DAB2: variants seen among roughly 807,000 people sequenced by gnomAD.
DAB2 encodes DAB adaptor protein 2.
In DAB2, 28 loss-of-function variants were observed where a neutral mutation model predicts 71.6. The observed-to-expected ratio is 0.39, with a 90% confidence interval of 0.29 to 0.54. The LOEUF (loss-of-function observed/expected upper bound fraction) is 0.54. Ranked by LOEUF, DAB2 falls within the 20% of genes least tolerant of loss-of-function variation. DAB2 has a pLI of 0.68. For synonymous variants in DAB2, 345 were observed against 339.7 expected, an observed-to-expected ratio of 1.02 and a Z score of -0.17; for missense variants, 867 against 928.8, an observed-to-expected ratio of 0.93 and a Z score of 0.86.
intron 1 of DAB2, among the ~76,000 whole-genome samples, chr5:39,424,293 T>A (rs1242963526): frequency 1.3e-5 from 2 of 152,080 alleles, no homozygotes; most frequent in Admixed American, 6.5e-5. Flanking sequence ...AATGCCGGTG[T>A]AAGACAAAAG....
rs1754713835 is a variant in DAB2 at position 39,372,134 on chromosome 5, A to T, written c.*1297T>A. The T allele has an allele frequency of 1.3e-5, 2 of 152,182 alleles. No homozygotes were observed. Among genetic ancestry groups the T allele is most frequent in the South Asian group, 4.1e-4 (2 of 4,824 alleles). 9.4% of individuals were successfully genotyped at this position (152,182 alleles called of 1,614,324 possible). On this transcript the variant is annotated 3_prime_UTR_variant, in exon 15 of 15. Transcript: ENST00000320816. ...AAAAACCCAACATAAACAAAACAAA[A>T]CAAAACTTATTTTGACAATAATAAA...
At position 39,376,973 on chromosome 5, in the gene DAB2, G is replaced by T. The variant is rs749545165; in HGVS notation, c.1814C>A (p.Ser605Tyr). The T allele has an allele frequency of 3.5e-5, 56 of 1,613,964 alleles. No individual in the cohort carries two copies. In the South Asian group the frequency reaches 5.8e-4, roughly 17 times the overall value. ...GGAGTGCATGGATGGGGGCTGAGTG[G>T]ACACAGCAGGAGCTGGAAAAATATT... ...QSNIFPAPAV[S>Y]TQPPSMHSSL... The change falls in exon 12 of 15, where the codon TCC becomes TAC. Residue 605 changes from serine (S) to tyrosine (Y), a missense_variant. This residue lies in a region of DAB2 where 740 missense variants were observed against 734.3 expected (regional missense o/e 1.01). Transcript: ENST00000320816.
At chr5:39,386,475 T>G (rs865808197) in intron 9 of DAB2, among the ~76,000 whole-genome samples, 1 of 152,176 alleles carries the variant, frequency 6.6e-6, no homozygotes. Flanking sequence ...GATAAGAACA[T>G]GTCAAAGCCT....
chr5:39,375,779 AG>A (rs1222760192), intron 13 of DAB2, among the ~76,000 whole-genome samples: 1 of 152,122 alleles, frequency 6.6e-6, no homozygotes, highest in African/African-American at 2.4e-5. Flanking sequence ...CCACCTACTC[AG>A]GAGGCTGAGG....
chr5:39,396,596 T>G (rs1245702750), intron 1 of DAB2, among the ~76,000 whole-genome samples: 1 of 152,230 alleles, frequency 6.6e-6, no homozygotes, highest in East Asian at 1.9e-4. Context: ...CTATCTTCTC[T>G]TTTAATGCAA....
intron 4 of DAB2, among the ~76,000 whole-genome samples, chr5:39,391,596 G>A (rs893428137): frequency 2.6e-5 from 4 of 151,986 alleles, no homozygotes; most frequent in East Asian, 1.9e-4. Flanking sequence ...ATCGTGATGC[G>A]AGAGAGTATT....
Position 39,376,674 on chromosome 5 carries a change from T to G in DAB2, c.2113A>C (p.Asn705His), listed in dbSNP as rs1249582635. ...CCATTGATCTTGTTCAATAGTTGAT[T>G]AGCATCAAAGTCATCATGGTCTGCA... is the stretch of plus-strand genomic sequence containing the variant. ...ENADHDDFDANQLLNKINEPP... is the reference protein window; with the variant it reads ...ENADHDDFDAHQLLNKINEPP... The change falls in exon 12 of 15, where the codon AAT (asparagine) becomes CAT (histidine). Residue 705 changes from asparagine to histidine, a missense_variant. Physicochemically the swap from Asn to His is moderately conservative, Grantham distance 68 (BLOSUM62 1). This residue lies in a region of DAB2 where 740 missense variants were observed against 734.3 expected (regional missense o/e 1.01). Transcript: ENST00000320816. The G allele has an allele frequency of 3.1e-6, 5 of 1,613,934 alleles. No homozygotes were observed. In the African/African-American group the frequency reaches 5.3e-5, roughly 17 times the overall value.
chr5:39,405,634 C>G (rs3843908), intron 1 of DAB2, among the ~76,000 whole-genome samples: 2 of 152,124 alleles, frequency 1.3e-5, no homozygotes, highest in Non-Finnish European at 2.9e-5. Flanking sequence ...TACAGTCTAG[C>G]GCATAGCATG....
intron 1 of DAB2, among the ~76,000 whole-genome samples, chr5:39,419,788 A>G (rs1189764168): frequency 1.3e-5 from 2 of 152,188 alleles, no homozygotes; most frequent in African/African-American, 4.8e-5. Flanking sequence ...GATAATATCA[A>G]ACCAAAAGTA....
chr5:39,400,823 A>G (rs1244404607), intron 1 of DAB2, among the ~76,000 whole-genome samples: 2 of 152,096 alleles, frequency 1.3e-5, no homozygotes, highest in East Asian at 3.9e-4. Flanking sequence ...ACATAAACAT[A>G]TTTGTTTAGA....
At chr5:39,404,394 T>TA (rs555236403) in intron 1 of DAB2, among the ~76,000 whole-genome samples, 175 of 63,848 alleles carry the variant, frequency 2.7e-3, no homozygotes, top group African/African-American at 8.5e-3. Flanking sequence ...TAAAGTATAA[T>TA]AAAAAAAAAG....
At chr5:39,407,675 C>T (rs762877484) in intron 1 of DAB2, among the ~76,000 whole-genome samples, 28 of 152,338 alleles carry the variant, frequency 1.8e-4, no homozygotes, top group African/African-American at 5.3e-4. Context: ...TCTTCATCCA[C>T]GTCCCTCTGT....
At chr5:39,381,677 C>T in intron 10 of DAB2, 61 bp from the exon 11 acceptor site, 1 of 1,587,582 alleles carries the variant, frequency 6.3e-7, no homozygotes, top group South Asian at 1.1e-5. Flanking sequence ...AATACAGCCT[C>T]ATTTTGTCTC....
In DAB2 at chr5:39,422,771, C is replaced by T. The variant is rs190591464; in HGVS notation, c.-102+2033G>A. Among the ~76,000 whole-genome samples the T allele has an allele frequency of 1.3e-5, 2 of 152,280 alleles. No individual in the cohort carries two copies. Among genetic ancestry groups the T allele is most frequent in the Non-Finnish European group, 2.9e-5 (2 of 68,024 alleles). On this transcript the variant is annotated intron_variant, in intron 1 of 14. Coordinates refer to ENST00000320816, the MANE Select transcript of DAB2 (RefSeq NM_001343.4). The surrounding 1 kb of genome is among the most constrained non-coding windows in gnomAD (Gnocchi z 4.1). ...TCATGCCAACAAGTGCCTTAAAAGC[C>T]GTACCCTTCAACCCAAACAAGGCCA...
At position 39,394,395 on chromosome 5, in the gene DAB2, CA is replaced by C. The variant is rs1579912636; in HGVS notation, c.-76del. 9.0e-7 allele frequency: 1 copy of C among 1,107,654 alleles called. No individual in the cohort carries two copies. Among genetic ancestry groups the C allele is most frequent in the East Asian group, 2.4e-5 (1 of 42,522 alleles). The allele number at this position is 1,107,654 out of a possible 1,614,324, so 68.6% of individuals were successfully genotyped here. A position where few individuals can be genotyped will look rare whatever the true frequency, so the allele number is the denominator to read the frequency against. ...CCAGGCGATCCCGATGGAGAAGTCT[CA>C]AATAAACATAACCTCCCACAGACAC... On this transcript the variant is annotated 5_prime_UTR_variant, in exon 2 of 15. It removes the in-frame stop codon of an upstream open reading frame in the 5' UTR. Coordinates refer to ENST00000320816, the MANE Select transcript of DAB2 (RefSeq NM_001343.4).
At chr5:39,418,422 AGGACACTT>A (rs1336633663) in intron 1 of DAB2, 1 of 152,204 alleles carries the variant, frequency 6.6e-6, no homozygotes, top group African/African-American at 2.4e-5. Context: ...GCCCCCTAAT[AGGACACTT>A]AAAATATAAA....
At chr5:39,382,489 C>T in intron 10 of DAB2, 129 bp downstream of exon 10, 3 of 1,043,108 alleles carry the variant, frequency 2.9e-6, no homozygotes, top group Non-Finnish European at 4.2e-6. Context: ...ACCAAAGTGC[C>T]TTATCCCACC....
Position 39,392,479 on chromosome 5 carries a change from A to C in DAB2, c.232-16T>G, listed in dbSNP as rs1346100698. The C allele has an allele frequency of 6.3e-7, 1 of 1,580,906 alleles. No homozygotes were observed. The highest frequency in any genetic ancestry group is 1.7e-5 in the Admixed American group (1 of 59,676). ...CCGCCATTCCCTGATGAGGGTGGAA[A>C]AACAAGAGAAGTTGAATTTTTAAAA... On this transcript the variant is annotated splice_polypyrimidine_tract_variant and intron_variant, in intron 3 of 14. Transcript: ENST00000320816.
chr5:39,385,084 C>T (rs1755068922), intron 9 of DAB2: 1 of 151,918 alleles, frequency 6.6e-6, no homozygotes. Context: ...CTTTTGGATT[C>T]CTTTACTGTG....
Sources: allele counts gnomAD v4.1 joint callset (sites outside exome capture counted in the v4.1 genomes callset), GRCh38; gene constraint gnomAD v4.1.1; regional missense constraint gnomAD v4.1.1; non-coding constraint Gnocchi (gnomAD v3.1); transcripts MANE v1.5; gene names NCBI Gene and HGNC (gene_info 2026-07-23, HGNC 2026-07-21).